Variants in GRB10 observed in about 807,000 individuals in gnomAD.
The protein encoded by GRB10 is growth factor receptor-bound protein 10.
GRB10 carries 20 observed loss-of-function variants against 80.9 expected under a neutral mutation model. That is an observed-to-expected ratio of 0.25 (90% confidence interval 0.17 to 0.36). GRB10 has a LOEUF of 0.36. Among genes scored for constraint, GRB10 ranks in the 10% least tolerant of loss-of-function variants. GRB10 has a pLI of 1.00. For synonymous variants in GRB10, 291 were observed against 291.5 expected (o/e 1.00, Z 0.02); for missense variants, 548 against 747.7 (o/e 0.73, Z 3.12).
intron 8 of GRB10, among the ~76,000 whole-genome samples, chr7:50,619,714 G>C (rs1276714774): frequency 6.6e-6 from 1 of 152,192 alleles, no homozygotes; most frequent in Admixed American, 6.5e-5. Context: ...GAAGGAGATA[G>C]AAGCTTTTTG....
chr7:50,656,276 T>C (rs1365947375), intron 7 of GRB10, among the ~76,000 whole-genome samples: 1 of 152,162 alleles, frequency 6.6e-6, no homozygotes, highest in African/African-American at 2.4e-5. Context: ...TTGCTATCGG[T>C]CACTCTGATC....
At chr7:50,722,127 C>T (rs950193337) in intron 4 of GRB10, among the ~76,000 whole-genome samples, 6 of 152,264 alleles carry the variant, frequency 3.9e-5, no homozygotes, top group Non-Finnish European at 2.9e-5. Flanking sequence ...GGGTGTACCA[C>T]GGGCCCAGTA....
chr7:50,620,308 C>T lies in GRB10; in HGVS notation c.662-1023G>A, dbSNP rs149534942. Among the ~76,000 whole-genome samples, 28 of 152,276 alleles carry T rather than the reference C, an allele frequency of 1.8e-4. 1 individual carries two copies. The East Asian group carries it at 4.6e-3, about 25-fold the overall frequency. Reference sequence around the variant, plus strand: ...CCAGGGTAGTTCTGTTATCCTAAGACCCTACCCTCCTCTCCTGCAGCCAGA... The same window carrying T: ...CCAGGGTAGTTCTGTTATCCTAAGATCCTACCCTCCTCTCCTGCAGCCAGA... On this transcript the variant is annotated intron_variant, in intron 8 of 18. Coordinates refer to ENST00000401949, the MANE Select transcript of GRB10 (RefSeq NM_001350814.2).
At chr7:50,652,234 T>C (rs1042348688) in intron 7 of GRB10, among the ~76,000 whole-genome samples, 12 of 152,274 alleles carry the variant, frequency 7.9e-5, no homozygotes, top group Admixed American at 6.5e-4. Flanking sequence ...AATAAAAGAA[T>C]ATGAGAGCAC....
chr7:50,793,023 T>TGCGGGCCCGGGGCGCCG (rs2079001772), intron 1 of GRB10: 1 of 139,228 alleles, frequency 7.2e-6, no homozygotes, highest in Non-Finnish European at 1.6e-5. Context: ...CACCGCCCGC[T>TGCGGGCCCGGGGCGCCG]GCGGGCCCGG....
chr7:50,698,990 T>C (rs1014941829), intron 5 of GRB10, among the ~76,000 whole-genome samples: 1 of 152,250 alleles, frequency 6.6e-6, no homozygotes, highest in African/African-American at 2.4e-5. Flanking sequence ...CTATAATGCC[T>C]GGTAATCTTC....
At chr7:50,717,443 C>T (rs1203378288) in intron 4 of GRB10, among the ~76,000 whole-genome samples, 1 of 71,024 alleles carries the variant, frequency 1.4e-5, no homozygotes, top group Admixed American at 1.7e-4. Flanking sequence ...ACATGAGAAG[C>T]TTGAAGAGTG....
chr7:50,758,013 T>C (rs547967818), intron 2 of GRB10, among the ~76,000 whole-genome samples: 1 of 152,138 alleles, frequency 6.6e-6, no homozygotes, highest in African/African-American at 2.4e-5. Flanking sequence ...ACTTCATCCA[T>C]TTTTGTCTAT....
chr7:50,665,870 C>G (rs1467715346), intron 7 of GRB10, among the ~76,000 whole-genome samples: 1 of 152,166 alleles, frequency 6.6e-6, no homozygotes, highest in Non-Finnish European at 1.5e-5. Context: ...CGCCGGTGTA[C>G]GTCTCCCCCA....
intron 4 of GRB10, among the ~76,000 whole-genome samples, chr7:50,717,434 CAT>C (rs1364103457): frequency 6.4e-5 from 8 of 125,668 alleles, no homozygotes; most frequent in African/African-American, 1.5e-4. Context: ...CACTCACTCA[CAT>C]GAGAAGCTTG....
Position 50,740,731 on chromosome 7 carries a change from G to A in GRB10, c.-46-8363C>T, listed in dbSNP as rs765162404. Among the ~76,000 whole-genome samples the A allele has an allele frequency of 4.4e-4, 66 of 151,230 alleles. 2 individuals are homozygous for A. In the Middle Eastern group the frequency reaches 0.017, roughly 39 times the overall value. On this transcript the variant is annotated intron_variant, in intron 3 of 18. Transcript: ENST00000401949. Reference sequence around the variant, plus strand: ...AAAATAGATGAAGACACATTCATTCGAAACCCAAACAATTTGCAACAGAAG... The same window carrying A: ...AAAATAGATGAAGACACATTCATTCAAAACCCAAACAATTTGCAACAGAAG...
chr7:50,614,233 T>G (rs902277227), intron 12 of GRB10, among the ~76,000 whole-genome samples: 2 of 152,224 alleles, frequency 1.3e-5, no homozygotes, highest in Non-Finnish European at 2.9e-5. Context: ...CAAAGGTGTA[T>G]GTCTATACAT....
chr7:50,755,555 A>G (rs1008216693), intron 3 of GRB10, among the ~76,000 whole-genome samples: 2 of 152,138 alleles, frequency 1.3e-5, no homozygotes, highest in Non-Finnish European at 2.9e-5. Flanking sequence ...GGCAGGCAGC[A>G]TCACCCCCAC....
intron 7 of GRB10, among the ~76,000 whole-genome samples, chr7:50,656,232 G>T (rs1340233374): frequency 1.3e-5 from 2 of 152,216 alleles, no homozygotes; most frequent in African/African-American, 4.8e-5. Context: ...GCACACATGT[G>T]AGGGGTTTAG....
At chr7:50,663,473 T>TGA (rs2153630913) in intron 7 of GRB10, among the ~76,000 whole-genome samples, 1 of 152,340 alleles carries the variant, frequency 6.6e-6, no homozygotes, top group Non-Finnish European at 1.5e-5. Flanking sequence ...ATGAGTGCCA[T>TGA]GTGACTAGGG....
intron 4 of GRB10, among the ~76,000 whole-genome samples, chr7:50,713,983 T>C (rs58008432): frequency 0.13 from 18,815 of 150,326 alleles, 3,938 homozygotes; most frequent in African/African-American, 0.43. Flanking sequence ...AACACCTCCA[T>C]TGCTACCAAC....
intron 5 of GRB10, among the ~76,000 whole-genome samples, chr7:50,684,470 G>C (rs959871982): frequency 6.6e-6 from 1 of 151,982 alleles, no homozygotes. Flanking sequence ...AGCATGTAAA[G>C]TTTCCTTTTC....
intron 7 of GRB10, among the ~76,000 whole-genome samples, chr7:50,667,962 T>G (rs1227698275): frequency 6.6e-6 from 1 of 152,230 alleles, no homozygotes; most frequent in Non-Finnish European, 1.5e-5. Context: ...TGGGTAGCTC[T>G]GTAAACAACC....
intron 4 of GRB10, among the ~76,000 whole-genome samples, chr7:50,716,887 G>T (rs1048790689): frequency 1.3e-5 from 2 of 152,160 alleles, no homozygotes; most frequent in African/African-American, 4.8e-5. Context: ...AAGGAAGATG[G>T]AAAAGATTAC....
Sources: gnomAD v4.1 joint callset for allele counts (sites outside exome capture counted in the v4.1 genomes callset) on GRCh38, gnomAD v4.1.1 for gene constraint, MANE v1.5 for transcripts, NCBI Gene and HGNC (gene_info 2026-07-23, HGNC 2026-07-21) for gene names.